The following ROBO2 variants were observed in gnomAD, a reference collection of about 807,000 sequenced individuals.
The protein encoded by ROBO2 is roundabout homolog 2.
In ROBO2, 53 loss-of-function variants were observed where a neutral mutation model predicts 160.8. That is an observed-to-expected ratio of 0.33 (90% CI 0.26 to 0.41). The LOEUF (loss-of-function observed/expected upper bound fraction) is 0.41, where lower values mean the gene tolerates loss of function less well. Among genes scored for constraint, ROBO2 ranks in the 10% least tolerant of loss-of-function variants. The pLI is 1.00. For synonymous variants in ROBO2, 664 were observed against 611.7 expected, an observed-to-expected ratio of 1.09 and a Z score of -1.26; for missense variants, 1,577 against 1,722.4, an observed-to-expected ratio of 0.92 and a Z score of 1.49.
intron 2 of ROBO2, among the ~76,000 whole-genome samples, chr3:77,209,572 G>A (rs747376004): frequency 2.6e-5 from 4 of 152,124 alleles, no homozygotes; most frequent in African/African-American, 4.8e-5. Context: ...CCAGTGGGCC[G>A]ATTATAACGT....
chr3:76,955,578 G>C (rs989016284), intron 2 of ROBO2, among the ~76,000 whole-genome samples: 6 of 152,020 alleles, frequency 3.9e-5, no homozygotes, highest in African/African-American at 1.4e-4. Context: ...TTGTGGGTTT[G>C]ATTTGCCTTT....
chr3:77,398,109 T>G (rs1163681293), intron 2 of ROBO2, among the ~76,000 whole-genome samples: 1 of 152,138 alleles, frequency 6.6e-6, no homozygotes, highest in Non-Finnish European at 1.5e-5. Context: ...ACACTAATAT[T>G]CACTACAATA....
intron 2 of ROBO2, among the ~76,000 whole-genome samples, chr3:76,862,340 C>G (rs534217983): frequency 2.0e-5 from 3 of 151,986 alleles, no homozygotes; most frequent in African/African-American, 7.3e-5. Flanking sequence ...TGTGAGGGTA[C>G]CTGGCTAGGT....
chr3:76,082,043 G>A (rs2068851685), intron 2 of ROBO2, among the ~76,000 whole-genome samples: 1 of 152,072 alleles, frequency 6.6e-6, no homozygotes, highest in South Asian at 2.1e-4. Context: ...TTCACTCCAA[G>A]CTACTTGATT....
At chr3:76,711,114 T>C (rs2093284103) in intron 2 of ROBO2, among the ~76,000 whole-genome samples, 1 of 152,188 alleles carries the variant, frequency 6.6e-6, no homozygotes, top group Non-Finnish European at 1.5e-5. Context: ...TCAAATGCTA[T>C]GTAAAACTAC....
chr3:77,461,042 A>G (rs1455542716), intron 2 of ROBO2, among the ~76,000 whole-genome samples: 1 of 152,202 alleles, frequency 6.6e-6, no homozygotes, highest in East Asian at 1.9e-4. Flanking sequence ...ATGATTTTCA[A>G]TTACTAATAA....
intron 2 of ROBO2, among the ~76,000 whole-genome samples, chr3:77,456,570 AG>A (rs1379561712): frequency 2.0e-5 from 3 of 152,214 alleles, no homozygotes; most frequent in African/African-American, 7.2e-5. Context: ...CAAAAAGAAA[AG>A]AAAAGAAAAC....
chr3:76,723,841 C>T (rs2093504010), intron 2 of ROBO2, among the ~76,000 whole-genome samples: 1 of 152,212 alleles, frequency 6.6e-6, no homozygotes, highest in Non-Finnish European at 1.5e-5. Context: ...GTATCCAAAT[C>T]ATCTGGGTTA....
rs557671620 is a variant in ROBO2, at chr3:76,944,494, T to C, written c.110-153520T>C. ...TAATTCTGAGTTAAATCCTGGAAAA[T>C]TGTAGCCATCAATTGAAAACATGTT... On this transcript the variant is annotated intron_variant, in intron 2 of 26. Coordinates refer to the ROBO2 transcript ENST00000487694. 2.6e-5 allele frequency among the ~76,000 whole-genome samples: 4 copies of C among 152,256 alleles called. No individual in the cohort carries two copies. The South Asian group carries it at 8.3e-4, about 32-fold the overall frequency.
At chr3:77,202,453 A>T (rs2083004872) in intron 2 of ROBO2, among the ~76,000 whole-genome samples, 3 of 152,202 alleles carry the variant, frequency 2.0e-5, no homozygotes, top group Admixed American at 2.0e-4. Context: ...TTTTTAATAT[A>T]CATCTGTCAT....
intron 2 of ROBO2, among the ~76,000 whole-genome samples, chr3:76,728,823 C>T (rs1449085734): frequency 6.6e-6 from 1 of 152,136 alleles, no homozygotes; most frequent in Non-Finnish European, 1.5e-5. Flanking sequence ...TGCCAGAGGG[C>T]ATCTTGATAA....
intron 2 of ROBO2, among the ~76,000 whole-genome samples, chr3:76,607,029 T>G (rs2087718091): frequency 6.6e-6 from 1 of 152,172 alleles, no homozygotes; most frequent in African/African-American, 2.4e-5. Flanking sequence ...TGCTGCAAAT[T>G]TATGCTCCAT....
chr3:77,569,621 C>G (rs963433512), intron 13 of ROBO2, among the ~76,000 whole-genome samples: 1 of 151,886 alleles, frequency 6.6e-6, no homozygotes, highest in Non-Finnish European at 1.5e-5. Context: ...TTATCAGATA[C>G]GTAATTTGCA....
intron 2 of ROBO2, among the ~76,000 whole-genome samples, chr3:76,423,239 T>C (rs1220319091): frequency 6.6e-6 from 1 of 152,186 alleles, no homozygotes; most frequent in African/African-American, 2.4e-5. Context: ...AGAGAGCAGA[T>C]AAGGAAGACA....
At chr3:76,812,032 A>G (rs1310880394) in intron 2 of ROBO2, among the ~76,000 whole-genome samples, 4 of 151,632 alleles carry the variant, frequency 2.6e-5, no homozygotes, top group Non-Finnish European at 5.9e-5. Flanking sequence ...CACCATGCCC[A>G]GCTAATTTTT....
intron 2 of ROBO2, among the ~76,000 whole-genome samples, chr3:76,587,556 G>C (rs751886083): frequency 6.6e-6 from 1 of 152,046 alleles, no homozygotes; most frequent in Non-Finnish European, 1.5e-5. Flanking sequence ...GATCTCCTGA[G>C]AACTCAATCA....
chr3:77,334,587 G>A (rs899185492), intron 2 of ROBO2, among the ~76,000 whole-genome samples: 2 of 152,118 alleles, frequency 1.3e-5, no homozygotes, highest in African/African-American at 4.8e-5. Context: ...GACATACACA[G>A]GTACTTCTAA....
At chr3:76,939,484 G>A (rs1253853874) in intron 2 of ROBO2, among the ~76,000 whole-genome samples, 2 of 152,082 alleles carry the variant, frequency 1.3e-5, no homozygotes, top group Non-Finnish European at 1.5e-5. Context: ...TGAACAAAAA[G>A]CAGAGGTTTA....
At chr3:75,939,529 T>A (rs1044233825) in intron 2 of ROBO2, among the ~76,000 whole-genome samples, 30 of 152,000 alleles carry the variant, frequency 2.0e-4, no homozygotes, top group African/African-American at 6.8e-4. Context: ...TTTGTTTTCT[T>A]TCTAAAAGGA....
Sources: gnomAD v4.1 joint callset for allele counts (sites outside exome capture counted in the v4.1 genomes callset) on GRCh38, gnomAD v4.1.1 for gene constraint, MANE v1.5 for transcripts, NCBI Gene and HGNC (gene_info 2026-07-23, HGNC 2026-07-21) for gene names.